Variants in CYP27C1 observed in about 807,000 individuals in gnomAD.
CYP27C1 encodes the protein cytochrome P450 family 27 subfamily C member 1.
A neutral mutation model predicts 40.6 loss-of-function variants in CYP27C1; 29 were observed. The observed-to-expected ratio is 0.71, with a 90% CI of 0.53 to 0.97. The LOEUF is 0.97. Ranked by LOEUF, CYP27C1 falls within the 50% of genes least tolerant of loss-of-function variation. CYP27C1 has a pLI of 0.00. For synonymous variants in CYP27C1, 198 were observed against 186.8 expected (o/e 1.06, Z -0.49); for missense variants, 390 against 485.8 (o/e 0.80, Z 1.85).
chr2:127,211,444 G>C (rs372619966), intron 1 of CYP27C1, among the ~76,000 whole-genome samples: 162 of 140,520 alleles, frequency 1.2e-3, no homozygotes, highest in African/African-American at 4.1e-3. Context: ...CTGCAGTGGC[G>C]CTATCTTGGC....
In CYP27C1 at chr2:127,209,147, C is replaced by G. The variant is rs1188408589; in HGVS notation, c.283-3057G>C. Among the ~76,000 whole-genome samples the G allele has an allele frequency of 6.6e-6, 1 of 152,162 alleles. No individual in the cohort carries two copies. Among genetic ancestry groups the G allele is most frequent in the Non-Finnish European group, 1.5e-5 (1 of 68,044 alleles). Reference sequence around the variant, plus strand: ...AGGTCAGAGGTCCCAGAAGAAGGAGCAGGCACCCATCATTGCTGCACTTCA... The same window carrying G: ...AGGTCAGAGGTCCCAGAAGAAGGAGGAGGCACCCATCATTGCTGCACTTCA... On this transcript the variant is annotated intron_variant, in intron 1 of 8. Transcript: ENST00000664447. The surrounding 1 kb of genome is among the most constrained non-coding windows in gnomAD (Gnocchi z 4.1).
chr2:127,187,955 G>C (rs1309873896), intron 8 of CYP27C1, among the ~76,000 whole-genome samples: 1 of 152,158 alleles, frequency 6.6e-6, no homozygotes, highest in African/African-American at 2.4e-5. Flanking sequence ...CTGCCTCCCA[G>C]GGTAAAACTG....
rs1682889301 is a variant in CYP27C1, at chr2:127,195,761, C to T, written c.1048-260G>A. Reference sequence around the variant, plus strand: ...ATTCATGTGCTCCTGTCATGAAGAGCCACAGGAAAAATGATCCTGGAGCTT... The same window carrying T: ...ATTCATGTGCTCCTGTCATGAAGAGTCACAGGAAAAATGATCCTGGAGCTT... On this transcript the variant is annotated intron_variant, in intron 5 of 8. Coordinates refer to ENST00000664447, the MANE Select transcript of CYP27C1 (RefSeq NM_001367502.1). The surrounding 1 kb of genome is among the most constrained non-coding windows in gnomAD (Gnocchi z 6.2). 6.6e-6 allele frequency among the ~76,000 whole-genome samples: 1 copy of T among 152,138 alleles called. No homozygotes were observed. The highest frequency in any genetic ancestry group is 2.1e-4 in the South Asian group (1 of 4,822).
chr2:127,204,555 G>GAGAGAGAGAAAGAA (rs1553503372), intron 2 of CYP27C1, among the ~76,000 whole-genome samples: 29 of 39,172 alleles, frequency 7.4e-4, no homozygotes, highest in Non-Finnish European at 1.1e-3. Context: ...GAGAGAGAGA[G>GAGAGAGAGAAAGAA]AGAAAGAAAG....
intron 2 of CYP27C1, among the ~76,000 whole-genome samples, chr2:127,205,421 G>A (rs758945908): frequency 6.6e-6 from 1 of 152,216 alleles, no homozygotes; most frequent in East Asian, 1.9e-4. Flanking sequence ...GGAAGGCACA[G>A]AGGTGTTGGT....
chr2:127,193,503 C>T (rs1682831806), intron 7 of CYP27C1, among the ~76,000 whole-genome samples: 2 of 152,194 alleles, frequency 1.3e-5, no homozygotes, highest in Admixed American at 1.3e-4. Context: ...AGAAGACCGT[C>T]GAGCCCTTCA....
intron 1 of CYP27C1, among the ~76,000 whole-genome samples, chr2:127,215,128 CAAAA>C (rs3033461): frequency 1.2e-4 from 15 of 120,982 alleles, no homozygotes; most frequent in Admixed American, 8.2e-5. Flanking sequence ...GACTCCATCT[CAAAA>C]AAAAAAAAAA....
intron 2 of CYP27C1, among the ~76,000 whole-genome samples, chr2:127,204,664 G>C (rs1225425884): frequency 6.6e-6 from 1 of 151,744 alleles, no homozygotes; most frequent in African/African-American, 2.4e-5. Flanking sequence ...GAAAGAAAGA[G>C]GGACTGCAGC....
intron 5 of CYP27C1, 141 bp downstream of exon 5, chr2:127,199,235 C>T: frequency 9.9e-6 from 11 of 1,115,656 alleles, no homozygotes; most frequent in Non-Finnish European, 1.3e-5. Context: ...TGCAGTGAGC[C>T]GAGACCATGC....
At position 127,203,566 on chromosome 2, in the gene CYP27C1, C is replaced by T. The variant is rs1407188722; in HGVS notation, c.479G>A (p.Gly160Asp). ...GCTTCTCATCTTGAGCCACTGTTCA[C>T]CCTCCCTAGAAGAATCAAGTGAGTT... The part of the protein sequence containing the change: ...GRATGLISAE[G>D]EQWLKMRSVL... The change falls in exon 3 of 9, where the codon GGT becomes GAT. Residue 160 changes from glycine (G) to aspartate (D), a missense_variant. Gly to Asp is a moderately conservative substitution (Grantham distance 94). Coordinates refer to ENST00000664447, the MANE Select transcript of CYP27C1 (RefSeq NM_001367502.1). The T allele has an allele frequency of 1.2e-6, 2 of 1,613,178 alleles. No homozygotes were observed. The highest frequency in any genetic ancestry group is 2.2e-5 in the South Asian group (2 of 90,734).
intron 8 of CYP27C1, among the ~76,000 whole-genome samples, chr2:127,188,487 C>T (rs1682689159): frequency 6.6e-6 from 1 of 151,876 alleles, no homozygotes; most frequent in African/African-American, 2.4e-5. Context: ...ATCCTCCCAC[C>T]TCCGCCTCCC....
chr2:127,205,382 C>A (rs1168900601), intron 2 of CYP27C1, among the ~76,000 whole-genome samples: 1 of 152,210 alleles, frequency 6.6e-6, no homozygotes, highest in African/African-American at 2.4e-5. Context: ...CCCTGGGCCT[C>A]CCTGCCTGGC....
rs989224983 is a variant in CYP27C1 at position 127,207,669 on chromosome 2, C to CA, written c.283-1580dup. On this transcript the variant is annotated intron_variant, in intron 1 of 8. Transcript: ENST00000664447. ...TGGGTGACAGAGCAAGACTCTGTCA[C>CA]AAAAAAAAAAATAATAATATTCTTA... Among the ~76,000 whole-genome samples the CA allele has an allele frequency of 3.0e-3, 375 of 126,268 alleles. 2 individuals are homozygous for CA. Among genetic ancestry groups the CA allele is most frequent in the African/African-American group, 8.9e-3 (304 of 34,318 alleles). 82.8% of individuals were successfully genotyped at this position (126,268 alleles called of 152,430 possible).
rs1683001054 is a variant in CYP27C1 at position 127,200,176 on chromosome 2, C to T, written c.884-637G>A. 6.6e-6 allele frequency among the ~76,000 whole-genome samples: 1 copy of T among 152,192 alleles called. No homozygotes were observed. The highest frequency in any genetic ancestry group is 2.4e-5 in the African/African-American group (1 of 41,438). ...TGTATTTTTAGTAGAGACGCAGTTT[C>T]GCCATGTTGGCCAGGCTGGTCTTTA... On this transcript the variant is annotated intron_variant, in intron 4 of 8. Coordinates refer to ENST00000664447, the MANE Select transcript of CYP27C1 (RefSeq NM_001367502.1). The surrounding 1 kb of genome is among the most constrained non-coding windows in gnomAD (Gnocchi z 4.2).
In CYP27C1 at chr2:127,219,695, G is replaced by A. The variant is rs1683510485; in HGVS notation, c.282+294C>T. On this transcript the variant is annotated intron_variant, in intron 1 of 8. Transcript: ENST00000664447. This position sits in a 1 kb window ranked among gnomAD's most constrained non-coding sequence, Gnocchi z 8.7. ...TGCCTGCTGCCCCTCTCCGGGGTCC[G>A]CTTCCCGAAGACCCCTCCCCAACGC... Among the ~76,000 whole-genome samples the A allele has an allele frequency of 6.6e-6, 1 of 151,082 alleles. No homozygotes were observed. The highest frequency in any genetic ancestry group is 1.5e-5 in the Non-Finnish European group (1 of 67,766).
chr2:127,202,322 C>T (rs1412714620), intron 3 of CYP27C1, among the ~76,000 whole-genome samples: 4 of 152,136 alleles, frequency 2.6e-5, no homozygotes, highest in Non-Finnish European at 5.9e-5. Flanking sequence ...GACAGGGTTT[C>T]ACCATGTTGG....
chr2:127,209,198 A>G lies in CYP27C1; in HGVS notation c.283-3108T>C, dbSNP rs1035170248. On this transcript the variant is annotated intron_variant, in intron 1 of 8. Coordinates refer to ENST00000664447, the MANE Select transcript of CYP27C1 (RefSeq NM_001367502.1). This position sits in a 1 kb window ranked among gnomAD's most constrained non-coding sequence, Gnocchi z 4.1. The stretch of plus-strand genomic sequence containing the variant: ...GCCTCCTTGAGTGACATCTCCAGGC[A>G]CAGGAGCAAATCAGAAGAATAGGGC... 2.0e-5 allele frequency among the ~76,000 whole-genome samples: 3 copies of G among 152,312 alleles called. No homozygotes were observed. The highest frequency in any genetic ancestry group is 7.2e-5 in the African/African-American group (3 of 41,560).
chr2:127,191,012 A>C (rs1011821252), intron 8 of CYP27C1, among the ~76,000 whole-genome samples: 1 of 150,658 alleles, frequency 6.6e-6, no homozygotes, highest in Non-Finnish European at 1.5e-5. Context: ...TTGGGAGGCC[A>C]AGGCAGGTGG....
At chr2:127,193,518 C>T (rs1682832080) in intron 7 of CYP27C1, among the ~76,000 whole-genome samples, 1 of 152,202 alleles carries the variant, frequency 6.6e-6, no homozygotes. Context: ...CCTTCAGAGA[C>T]TCCCAGCGGT....
Sources: allele counts gnomAD v4.1 joint callset (sites outside exome capture counted in the v4.1 genomes callset), GRCh38; gene constraint gnomAD v4.1.1; non-coding constraint Gnocchi (gnomAD v3.1); transcripts MANE v1.5; gene names NCBI Gene and HGNC (gene_info 2026-07-23, HGNC 2026-07-21).